The following KMT5B variants were observed in gnomAD, a reference collection of about 807,000 sequenced individuals.
The protein encoded by KMT5B is histone-lysine N-methyltransferase KMT5B.
A neutral mutation model predicts 83.2 loss-of-function variants in KMT5B; 10 were observed. That is an observed-to-expected ratio of 0.12 (90% CI 0.07 to 0.20). KMT5B has a LOEUF of 0.20. Ranked by LOEUF, KMT5B falls within the 10% of genes least tolerant of loss-of-function variation. KMT5B has a pLI of 1.00. For missense variants in KMT5B, 753 were observed against 1,067.2 expected, an observed-to-expected ratio of 0.71 and a Z score of 4.10; for synonymous variants, 349 against 388.8, an observed-to-expected ratio of 0.90 and a Z score of 1.20.
intron 1 of KMT5B, among the ~76,000 whole-genome samples, chr11:68,194,192 T>TC (rs1469253253): frequency 6.7e-6 from 1 of 149,206 alleles, no homozygotes; most frequent in Non-Finnish European, 1.5e-5. Flanking sequence ...GTACCAAGTT[T>TC]TTTTTTTTTT....
intron 3 of KMT5B, among the ~76,000 whole-genome samples, chr11:68,185,269 G>C (rs188865981): frequency 1.3e-5 from 2 of 152,032 alleles, no homozygotes; most frequent in Non-Finnish European, 2.9e-5. Context: ...GCAATGGCAC[G>C]ATCTCGGCTC....
At chr11:68,190,583 T>C (rs1042733110) in intron 1 of KMT5B, among the ~76,000 whole-genome samples, 1 of 152,196 alleles carries the variant, frequency 6.6e-6, no homozygotes, top group Non-Finnish European at 1.5e-5. Flanking sequence ...ATATGGATAA[T>C]CCCGACCCTG....
chr11:68,207,099 G>A (rs572513259), intron 1 of KMT5B, among the ~76,000 whole-genome samples: 43 of 151,972 alleles, frequency 2.8e-4, no homozygotes, highest in Non-Finnish European at 5.9e-4. Flanking sequence ...AAAATTAGCC[G>A]GGCATGGTGG....
At chr11:68,197,573 C>A (rs142910074) in intron 1 of KMT5B, among the ~76,000 whole-genome samples, 5 of 152,258 alleles carry the variant, frequency 3.3e-5, no homozygotes, top group Non-Finnish European at 7.4e-5. Context: ...TGGTTCAATT[C>A]ATGGAACACA....
chr11:68,167,692 A>G (rs1449228208), intron 9 of KMT5B, among the ~76,000 whole-genome samples: 1 of 152,130 alleles, frequency 6.6e-6, no homozygotes, highest in Non-Finnish European at 1.5e-5. Flanking sequence ...TGCTGGGCTC[A>G]AGGGATCTTC....
At chr11:68,185,651 A>T in intron 3 of KMT5B, 130 bp downstream of exon 3, 2 of 839,826 alleles carry the variant, frequency 2.4e-6, no homozygotes, top group Admixed American at 6.1e-5. Context: ...TCACAGACAG[A>T]AAACCCTTCC....
chr11:68,185,352 T>C (rs1290403285), intron 3 of KMT5B, among the ~76,000 whole-genome samples: 1 of 152,162 alleles, frequency 6.6e-6, no homozygotes, highest in Non-Finnish European at 1.5e-5. Flanking sequence ...ATTACAGGCA[T>C]GTGCCACCTG....
chr11:68,212,599 C>T, intron 1 of KMT5B: 1 of 153,116 alleles, frequency 6.5e-6, no homozygotes, highest in African/African-American at 2.4e-5. Context: ...CAGACACACA[C>T]CAGGGGACGC....
rs145190599 is a variant in KMT5B, at chr11:68,199,806, G to A, written c.-76-9654C>T. 7.4e-4 allele frequency among the ~76,000 whole-genome samples: 112 copies of A among 152,318 alleles called. 1 individual carries two copies. The East Asian group carries it at 0.018, about 24-fold the overall frequency. On this transcript the variant is annotated intron_variant, in intron 1 of 10. Coordinates refer to ENST00000304363, the MANE Select transcript of KMT5B (RefSeq NM_017635.5). Reference sequence around the variant, plus strand: ...GAGGTGGCAAGAAGTGGTTGGCTTCGAGATCTTTTCTGAAGGTTCCGCTGA... The same window carrying A: ...GAGGTGGCAAGAAGTGGTTGGCTTCAAGATCTTTTCTGAAGGTTCCGCTGA...
At chr11:68,195,108 T>C (rs1376201226) in intron 1 of KMT5B, among the ~76,000 whole-genome samples, 1 of 152,020 alleles carries the variant, frequency 6.6e-6, no homozygotes, top group Non-Finnish European at 1.5e-5. Context: ...GCCCAGGAAA[T>C]TGCGGACACA....
At position 68,158,856 on chromosome 11, in the gene KMT5B, T is replaced by G. The variant is rs763264500; in HGVS notation, c.1490A>C (p.Glu497Ala). 1.2e-4 allele frequency: 186 copies of G among 1,614,026 alleles called. No individual in the cohort carries two copies. The highest frequency in any genetic ancestry group is 1.6e-4 in the Non-Finnish European group (183 of 1,180,044). Reference protein sequence around the residue: ...NLPIKKDKEPEGPAQAAVASG... With the variant: ...NLPIKKDKEPAGPAQAAVASG... Reference sequence around the variant, plus strand: ...GGCAACTGCGGCTTGGGCTGGTCCCTCTGGCTCCTTATCTTTTTTAATGGG... The same window carrying G: ...GGCAACTGCGGCTTGGGCTGGTCCCGCTGGCTCCTTATCTTTTTTAATGGG... The change falls in exon 11 of 11, where the codon GAG (glutamate) becomes GCG (alanine). Residue 497 changes from glutamate (E) to alanine (A), a missense_variant. Glu to Ala is a moderately radical substitution (Grantham distance 107). Coordinates refer to ENST00000304363, the MANE Select transcript of KMT5B (RefSeq NM_017635.5).
chr11:68,212,296 C>T (rs897002275), intron 1 of KMT5B, among the ~76,000 whole-genome samples: 2 of 145,770 alleles, frequency 1.4e-5, no homozygotes, highest in East Asian at 3.2e-4. Context: ...AATTCACCTG[C>T]CCTCTATTCT....
chr11:68,205,012 A>T (rs1371962317), intron 1 of KMT5B, among the ~76,000 whole-genome samples: 3 of 152,198 alleles, frequency 2.0e-5, no homozygotes, highest in African/African-American at 7.2e-5. Context: ...GAAACGCTTT[A>T]CAGTTACCAC....
intron 4 of KMT5B, among the ~76,000 whole-genome samples, chr11:68,177,736 GATA>G (rs1856517361): frequency 6.6e-6 from 1 of 152,150 alleles, no homozygotes. Flanking sequence ...TTTACAGACA[GATA>G]AATGCAAGTC....
At position 68,155,104 on chromosome 11, in the gene KMT5B, C is replaced by T. The variant is rs890574254; in HGVS notation, c.*2584G>A. The T allele has an allele frequency of 4.6e-5, 7 of 152,164 alleles. No homozygotes were observed. The highest frequency in any genetic ancestry group is 1.7e-4 in the African/African-American group (7 of 41,446). The allele number at this position is 152,164 out of a possible 1,614,324, so 9.4% of individuals were successfully genotyped here. A position where few individuals can be genotyped will look rare whatever the true frequency, so the allele number is the denominator to read the frequency against. On this transcript the variant is annotated 3_prime_UTR_variant, in exon 11 of 11. Coordinates refer to ENST00000304363, the MANE Select transcript of KMT5B (RefSeq NM_017635.5). Reference sequence around the variant, plus strand: ...AAAATTGAATACTTTACATATATTTCTATGATCATCTCCTAATTCTTACAA... The same window carrying T: ...AAAATTGAATACTTTACATATATTTTTATGATCATCTCCTAATTCTTACAA...
intron 1 of KMT5B, among the ~76,000 whole-genome samples, chr11:68,210,494 G>A (rs569842471): frequency 1.4e-4 from 21 of 152,308 alleles, no homozygotes; most frequent in African/African-American, 4.6e-4. Flanking sequence ...TTTGTAGACG[G>A]AGTCTAGGCC....
intron 3 of KMT5B, among the ~76,000 whole-genome samples, chr11:68,182,838 G>A (rs927398679): frequency 1.3e-5 from 2 of 151,550 alleles, no homozygotes; most frequent in Non-Finnish European, 2.9e-5. Flanking sequence ...CCAGGTTCAA[G>A]CGATTCTCCT....
chr11:68,199,596 G>A (rs1258642135), intron 1 of KMT5B, among the ~76,000 whole-genome samples: 1 of 152,152 alleles, frequency 6.6e-6, no homozygotes, highest in Non-Finnish European at 1.5e-5. Context: ...GGAGTGACAC[G>A]ATCCAACCCA....
intron 3 of KMT5B, among the ~76,000 whole-genome samples, chr11:68,182,569 C>T (rs549903940): frequency 6.6e-6 from 1 of 152,138 alleles, no homozygotes; most frequent in South Asian, 2.1e-4. Flanking sequence ...AGTGATCCTC[C>T]CACCTTGCCC....
Sources: gnomAD v4.1 joint callset for allele counts (sites outside exome capture counted in the v4.1 genomes callset) on GRCh38, gnomAD v4.1.1 for gene constraint, MANE v1.5 for transcripts, NCBI Gene and HGNC (gene_info 2026-07-23, HGNC 2026-07-21) for gene names.